SCO2: variants seen among roughly 807,000 people sequenced by gnomAD.
SCO2 encodes synthesis of cytochrome C oxidase 2, also known as cytochrome c oxidase assembly factor SCO2.
For missense variants in SCO2, 429 were observed against 348.7 expected (o/e 1.23, Z -1.83); for synonymous variants, 195 against 148.6 (o/e 1.31, Z -2.27).
chr22:50,523,887 T>C lies in SCO2; in HGVS notation c.525A>G (p.Glu175=). The C allele has an allele frequency of 6.2e-7, 1 of 1,613,872 alleles. No individual in the cohort carries two copies. Among genetic ancestry groups the C allele is most frequent in the Non-Finnish European group, 8.5e-7 (1 of 1,180,010 alleles). Residue 175 remains glutamate (E), a synonymous_variant, in exon 2 of 2, where the codon GAA becomes GAG. Transcript: ENST00000395693. ...AGTCCTGGACGTAGCGGGCCATGGC[T>C]TCAACGTCGTCCCGCTCGGGGTCCA... The part of the protein sequence containing the change: ...ITVDPERDDV[E]AMARYVQDFH...
rs1349989221 is a variant in SCO2 at position 50,525,581 on chromosome 22, A to C, written c.-123T>G. On this transcript the variant is annotated 5_prime_UTR_variant, in exon 1 of 2. Transcript: ENST00000395693. ...GGGAAAGCGGGCGCCACACGCTCAC[A>C]GGCAGGGCGCAGGCGTCCCCGGAGC... The C allele has an allele frequency of 1.2e-6, 1 of 856,008 alleles. No homozygotes were observed. Among genetic ancestry groups the C allele is most frequent in the Non-Finnish European group, 1.8e-6 (1 of 551,440 alleles). The allele number at this position is 856,008 out of a possible 1,614,324, so 53.0% of individuals were successfully genotyped here.
At chr22:50,526,430 C>G, upstream of SCO2, 2 of 1,508,950 alleles carry the variant, frequency 1.3e-6, no homozygotes, top group Non-Finnish European at 1.8e-6. Flanking sequence ...GGGCAGCGCC[C>G]TGGGCCTGAG....
rs1439351743 is a variant in SCO2 at position 50,524,171 on chromosome 22, C to T, written c.241G>A (p.Glu81Lys). 1 of 1,610,356 alleles carries T rather than the reference C, an allele frequency of 6.2e-7. No individual in the cohort carries two copies. The highest frequency in any genetic ancestry group is 1.7e-5 in the Admixed American group (1 of 60,028). ...LGGAWLALRA[E>K]KERLQQQKRT... The stretch of plus-strand genomic sequence containing the variant: ...TTTTGCTGCTGCAGCCTCTCCTTCT[C>T]AGCCCTCAGGGCCAGCCAGGCCCCA... Residue 81 changes from glutamate to lysine, a missense_variant, in exon 2 of 2, where the codon GAG becomes AAG. By Grantham distance (56) the Glu-to-Lys change is moderately conservative. Transcript: ENST00000395693.
At chr22:50,525,903 C>T (rs769601106), upstream of SCO2, 13 of 1,553,406 alleles carry the variant, frequency 8.4e-6, no homozygotes, top group East Asian at 2.4e-4. Context: ...CCGGTGCACG[C>T]GGAGCCAGGG....
chr22:50,525,970 G>A (rs1488134868), upstream of SCO2: 9 of 1,387,080 alleles, frequency 6.5e-6, no homozygotes, highest in Non-Finnish European at 6.5e-6. Context: ...GGGCGGGGGT[G>A]CGGGGCCAGC....
Position 50,524,814 on chromosome 22 carries a change from G to A in SCO2, c.-13-390C>T, listed in dbSNP as rs140988974. ...ACTCTCTGGCTTGCAATCCCCGAGA[G>A]CAACCGATTCCTCCAACACTTTCCT... On this transcript the variant is annotated intron_variant, in intron 1 of 1. Coordinates refer to ENST00000395693, the MANE Select transcript of SCO2 (RefSeq NM_005138.3). The A allele has an allele frequency of 1.7e-4, 67 of 383,290 alleles. No homozygotes were observed. The East Asian group carries it at 4.5e-3, about 25-fold the overall frequency. The allele number at this position is 383,290 out of a possible 1,614,324, so 23.7% of individuals were successfully genotyped here. A position where few individuals can be genotyped will look rare whatever the true frequency, so the allele number is the denominator to read the frequency against.
In SCO2 at chr22:50,524,263, C is replaced by T. The variant is rs762368534; in HGVS notation, c.149G>A (p.Gly50Asp). ...RQGPAETGGQ[G>D]QPQGPGLRTR... ...TCGAAGCCCAGGGCCCTGGGGCTGG[C>T]CCTGCCCACCTGTCTCTGCAGGGCC... is the stretch of plus-strand genomic sequence containing the variant. Residue 50 changes from glycine to aspartate, a missense_variant, in exon 2 of 2, where the codon GGC (glycine) becomes GAC (aspartate). By Grantham distance (94) the Gly-to-Asp change is moderately conservative. Coordinates refer to ENST00000395693, the MANE Select transcript of SCO2 (RefSeq NM_005138.3). The T allele has an allele frequency of 1.9e-6, 3 of 1,604,516 alleles. No individual in the cohort carries two copies. The highest frequency in any genetic ancestry group is 2.5e-6 in the Non-Finnish European group (3 of 1,179,818).
In SCO2 at chr22:50,525,593, G is replaced by GGCGTCCCCGGAGCTGCGCAT; in HGVS notation, c.-136_-135insATGCGCAGCTCCGGGGACGC. 1.0e-6 allele frequency: 1 copy of GGCGTCCCCGGAGCTGCGCAT among 959,090 alleles called. No homozygotes were observed. Among genetic ancestry groups the GGCGTCCCCGGAGCTGCGCAT allele is most frequent in the Non-Finnish European group, 1.6e-6 (1 of 632,050 alleles). 59.4% of individuals were successfully genotyped at this position (959,090 alleles called of 1,614,324 possible). On this transcript the variant is annotated 5_prime_UTR_variant, in exon 1 of 2. The change creates a new upstream start codon in the 5' untranslated region. Transcript: ENST00000395693. ...GCCACACGCTCACAGGCAGGGCGCA[G>GGCGTCCCCGGAGCTGCGCAT]GCGTCCCCGGAGCTGCGCATGCGCA...
intron 1 of SCO2, 141 bp from the exon 2 acceptor site, chr22:50,524,565 T>G: frequency 1.3e-6 from 1 of 779,518 alleles, no homozygotes; most frequent in Non-Finnish European, 2.3e-6. Context: ...GCTGCTCACC[T>G]GAGCTCAGAA....
intron 1 of SCO2, chr22:50,524,663 T>G (rs1039499532): frequency 1.5e-6 from 1 of 684,974 alleles, no homozygotes; most frequent in Non-Finnish European, 2.7e-6. Flanking sequence ...CACCGCACCC[T>G]GCCCTGCACC....
upstream of SCO2, chr22:50,525,798 G>A (rs2069328501): frequency 3.1e-6 from 5 of 1,610,760 alleles, no homozygotes; most frequent in Admixed American, 1.7e-5. Flanking sequence ...AACGAGCTCT[G>A]CGAAGGGCGA....
upstream of SCO2, chr22:50,526,241 C>G (rs748559929): frequency 3.2e-6 from 5 of 1,538,670 alleles, no homozygotes; most frequent in Non-Finnish European, 4.3e-6. Context: ...TCCCCCGACG[C>G]TCACCATCTG....
At chr22:50,526,210 C>T (rs1254362268), upstream of SCO2, 10 of 1,494,732 alleles carry the variant, frequency 6.7e-6, no homozygotes, top group African/African-American at 7.2e-5. Context: ...AAGGGGATGG[C>T]GGAGGCGGAA....
At chr22:50,526,212 G>A (rs931790720), upstream of SCO2, 10 of 1,499,240 alleles carry the variant, frequency 6.7e-6, no homozygotes, top group African/African-American at 1.4e-5. Flanking sequence ...GGGGATGGCG[G>A]AGGCGGAAGG....
At position 50,524,310 on chromosome 22, in the gene SCO2, C is replaced by T. The variant is rs1249176482; in HGVS notation, c.102G>A (p.Arg34=). The T allele has an allele frequency of 6.9e-6, 11 of 1,602,266 alleles. No homozygotes were observed. Among genetic ancestry groups the T allele is most frequent in the Admixed American group, 3.3e-5 (2 of 59,996 alleles). ...GTLGGQALHL[R]SWLLSRQGPA... is the part of the protein sequence containing the mutation. ...GGCCCTGCCTTGACAAAAGCCAGGA[C>T]CTCAGATGCAGGGCCTGGCCTCCCA... Residue 34 remains arginine, a synonymous_variant, in exon 2 of 2, where the codon AGG becomes AGA. Transcript: ENST00000395693.
At chr22:50,525,863 G>A, upstream of SCO2, 1 of 1,598,104 alleles carries the variant, frequency 6.3e-7, no homozygotes, top group Non-Finnish European at 8.5e-7. Flanking sequence ...GCAGGGCGCG[G>A]CTCTGCGGGC....
chr22:50,526,391 C>T, upstream of SCO2: 1 of 1,523,082 alleles, frequency 6.6e-7, no homozygotes, highest in African/African-American at 1.4e-5. Flanking sequence ...GGCCAAGGGC[C>T]GAGCCGTCGT....
chr22:50,526,109 C>A (rs1189525116), upstream of SCO2: 4 of 1,489,348 alleles, frequency 2.7e-6, no homozygotes, highest in Non-Finnish European at 3.5e-6. Flanking sequence ...AGCACCAGCG[C>A]CAGCGGCAGC....
At chr22:50,525,686 TTCATCGAGACGGCCCCCGCC>T (rs2069320444), upstream of SCO2, 2 of 1,548,556 alleles carry the variant, frequency 1.3e-6, no homozygotes, top group African/African-American at 2.7e-5. Context: ...GGGTCACGTG[TTCATCGAGACGGCCCCCGCC>T]TCCGCAGCCC....
Sources: gnomAD v4.1 joint callset for allele counts on GRCh38, gnomAD v4.1.1 for gene constraint, MANE v1.5 for transcripts, NCBI Gene and HGNC (gene_info 2026-07-23, HGNC 2026-07-21) for gene names.